MBP: variants seen among roughly 807,000 people sequenced by gnomAD.
The protein encoded by MBP is Golli-MBP.
A neutral mutation model predicts 35.8 loss-of-function variants in MBP; 16 were observed. The ratio of observed to expected loss-of-function variants is 0.45; its 90% confidence interval spans 0.30 to 0.68. MBP has a LOEUF of 0.68. Among genes scored for constraint, MBP ranks in the 30% least tolerant of loss-of-function variants. MBP has a pLI of 0.08. For missense variants in MBP, 380 were observed against 404.7 expected (o/e 0.94, Z 0.52); for synonymous variants, 143 against 159.6 (o/e 0.90, Z 0.78).
chr18:77,023,542 G>A (rs12964484), intron 3 of MBP, among the ~76,000 whole-genome samples: 40,669 of 152,008 alleles, frequency 0.27, 6,717 homozygotes, highest in Non-Finnish European at 0.36. Context: ...CTGCACAACC[G>A]CTGGACCATC....
Position 77,131,833 on chromosome 18 carries a change from CGGGCGGGCCGGCGGGCG to C in MBP, c.-26+730_-26+746del, listed in dbSNP as rs1977283496. The C allele has an allele frequency of 1.3e-5, 2 of 152,942 alleles. No individual in the cohort carries two copies. Among genetic ancestry groups the C allele is most frequent in the Non-Finnish European group, 2.9e-5 (2 of 68,706 alleles). 9.5% of individuals were successfully genotyped at this position (152,942 alleles called of 1,614,324 possible). On this transcript the variant is annotated intron_variant, in intron 1 of 8. Transcript: ENST00000355994. This position sits in a 1 kb window ranked among gnomAD's most constrained non-coding sequence, Gnocchi z 5.5. ...CCAGGAGGGGACTGCCGGGAAGACC[CGGGCGGGCCGGCGGGCG>C]GCTGCGGGCGGCGCACGTGGGCCCA...
chr18:77,005,291 T>C (rs1970881371), intron 4 of MBP: 1 of 152,216 alleles, frequency 6.6e-6, no homozygotes, highest in African/African-American at 2.4e-5. Flanking sequence ...GTTGTGTGCT[T>C]TCCGCCGGGT....
chr18:77,029,535 C>T (rs144683250), intron 3 of MBP, among the ~76,000 whole-genome samples: 1 of 151,946 alleles, frequency 6.6e-6, no homozygotes, highest in African/African-American at 2.4e-5. Context: ...AGACTTGTCT[C>T]AAACTCCAGG....
rs537151628 is a variant in MBP, at chr18:77,020,828, G to A, written c.140-3560C>T. On this transcript the variant is annotated intron_variant, in intron 3 of 8. Transcript: ENST00000355994. This position sits in a 1 kb window ranked among gnomAD's most constrained non-coding sequence, Gnocchi z 4.1. ...AACCCGCATTCCCAGACCACACCCC[G>A]GGACCTAGCTCACCACAGGCCTGCC... Among the ~76,000 whole-genome samples the A allele has an allele frequency of 6.6e-5, 10 of 152,296 alleles. No homozygotes were observed. In the East Asian group the frequency reaches 9.6e-4, roughly 15 times the overall value.
chr18:77,060,110 C>A (rs1187495430), intron 3 of MBP, among the ~76,000 whole-genome samples: 3 of 152,134 alleles, frequency 2.0e-5, no homozygotes, highest in African/African-American at 7.2e-5. Flanking sequence ...TTAAACCATC[C>A]CCCAAATGGT....
rs551390113 is a variant in MBP at position 77,010,368 on chromosome 18, C to A, written c.576+6464G>T. ...ACTAAAAGGGTTTTTTGACGTCTACCATGGAATGGATAAATTTTACATTCC... is the reference window on the plus strand; with the variant it reads ...ACTAAAAGGGTTTTTTGACGTCTACAATGGAATGGATAAATTTTACATTCC... On this transcript the variant is annotated intron_variant, in intron 4 of 8. Transcript: ENST00000355994. 2.6e-5 allele frequency among the ~76,000 whole-genome samples: 4 copies of A among 152,336 alleles called. 1 individual carries two copies. Among genetic ancestry groups the A allele is most frequent in the African/African-American group, 9.6e-5 (4 of 41,576 alleles).
At chr18:77,128,372 C>G (rs76452994) in intron 1 of MBP, among the ~76,000 whole-genome samples, 5,582 of 152,190 alleles carry the variant, frequency 0.037, 174 homozygotes, top group East Asian at 0.16. Flanking sequence ...TGGTTGCCAG[C>G]CTCAGGGAGG....
At chr18:76,985,933 G>C (rs1269722140) in intron 7 of MBP, 1 of 986,032 alleles carries the variant, frequency 1.0e-6, no homozygotes, top group Non-Finnish European at 1.2e-6. Flanking sequence ...TGGGCCGTGT[G>C]ACCGCAGGGG....
At chr18:77,061,783 G>A (rs1288401652) in intron 3 of MBP, among the ~76,000 whole-genome samples, 2 of 152,212 alleles carry the variant, frequency 1.3e-5, no homozygotes, top group South Asian at 2.1e-4. Flanking sequence ...AAATAAAGAA[G>A]AGTGAAAACA....
chr18:77,096,699 C>G (rs1975772255), intron 2 of MBP, among the ~76,000 whole-genome samples: 1 of 152,198 alleles, frequency 6.6e-6, no homozygotes, highest in Non-Finnish European at 1.5e-5. Flanking sequence ...TCAGCCCACC[C>G]ACAGCTGAAA....
intron 4 of MBP, among the ~76,000 whole-genome samples, chr18:76,995,530 C>A (rs541553991): frequency 6.6e-6 from 1 of 152,074 alleles, no homozygotes; most frequent in African/African-American, 2.4e-5. Flanking sequence ...GATAGACTCA[C>A]CCAAATCTGA....
intron 4 of MBP, 194 bp downstream of exon 4, chr18:77,016,638 G>A (rs1971655731): frequency 1.4e-6 from 2 of 1,419,698 alleles, no homozygotes; most frequent in East Asian, 5.0e-5. Flanking sequence ...AAGAGGGGGT[G>A]AGTTAAACGA....
chr18:77,007,580 A>G (rs1470230284), intron 4 of MBP, among the ~76,000 whole-genome samples: 2 of 152,160 alleles, frequency 1.3e-5, no homozygotes, highest in East Asian at 3.9e-4. Flanking sequence ...CTTTAGTTTC[A>G]ACTTACGCTT....
chr18:76,998,054 T>G (rs1001854797), intron 4 of MBP, among the ~76,000 whole-genome samples: 2 of 152,248 alleles, frequency 1.3e-5, no homozygotes, highest in African/African-American at 4.8e-5. Context: ...TAACAATTTT[T>G]AAGTGTGCAA....
chr18:77,104,886 TTCTC>T (rs958200160), intron 2 of MBP, among the ~76,000 whole-genome samples: 1 of 151,950 alleles, frequency 6.6e-6, no homozygotes, highest in African/African-American at 2.4e-5. Flanking sequence ...GTTTCCCTCT[TTCTC>T]TTTCTTCTTC....
Position 76,984,893 on chromosome 18 carries a change from C to T in MBP, c.752G>A (p.Gly251Glu). 2 of 1,613,200 alleles carry T rather than the reference C, an allele frequency of 1.2e-6. No individual in the cohort carries two copies. The highest frequency in any genetic ancestry group is 1.7e-6 in the Non-Finnish European group (2 of 1,180,010). Residue 251 changes from glycine to glutamate, a missense_variant and splice_region_variant, in exon 8 of 9, where the codon GGG becomes GAG. Gly to Glu is a moderately conservative substitution (Grantham distance 98, BLOSUM62 -2). Transcript: ENST00000355994. ...RGLSLSRFSWGAEGQRPGFGY... is the reference protein window; with the variant it reads ...RGLSLSRFSWEAEGQRPGFGY... ...AAATCCTGGTCTCTGGCCTTCGGCC[C>T]CCTGCAAGAGAAGACCACGGAGCTC...
Position 77,104,000 on chromosome 18 carries a change from T to C in MBP, c.51+1211A>G, listed in dbSNP as rs186283430. Among the ~76,000 whole-genome samples the C allele has an allele frequency of 2.3e-3, 353 of 152,378 alleles. 3 individuals carry two copies. Among genetic ancestry groups the C allele is most frequent in the African/African-American group, 7.9e-3 (330 of 41,592 alleles). ...ATTCGAATGACTTTTAATTTGCAGT[T>C]TCCCGTTTAACTGTATTTTCCAAAT... On this transcript the variant is annotated intron_variant, in intron 2 of 8. Transcript: ENST00000355994.
At position 76,988,998 on chromosome 18, in the gene MBP, G is replaced by T; in HGVS notation, c.682-86C>A. ...AACGGGCTCCTGCCTGCTGAGGGTG[G>T]CTAGCATCCATCAGCTGCCAGAAGC... On this transcript the variant is annotated intron_variant, in intron 5 of 8. Transcript: ENST00000355994. The surrounding 1 kb of genome is among the most constrained non-coding windows in gnomAD (Gnocchi z 5.2). 2 of 1,341,778 alleles carry T rather than the reference G, an allele frequency of 1.5e-6. No homozygotes were observed. The highest frequency in any genetic ancestry group is 1.4e-5 in the African/African-American group (1 of 69,696). 83.1% of individuals were successfully genotyped at this position (1,341,778 alleles called of 1,614,324 possible). A position where few individuals can be genotyped will look rare whatever the true frequency, so the allele number is the denominator to read the frequency against.
Position 76,979,035 on chromosome 18 carries a change from G to T in MBP, c.*1392C>A, listed in dbSNP as rs1969040946. On this transcript the variant is annotated 3_prime_UTR_variant, in exon 9 of 9. Transcript: ENST00000355994. ...TGTTCTTTGTAACTCTCTCATCATC[G>T]AGGCTATATATTAATAGACATGGTA... 6.6e-6 allele frequency: 1 copy of T among 152,058 alleles called. No individual in the cohort carries two copies. The highest frequency in any genetic ancestry group is 1.5e-5 in the Non-Finnish European group (1 of 68,004). The allele number at this position is 152,058 out of a possible 1,614,324, so 9.4% of individuals were successfully genotyped here.
Sources: gnomAD v4.1 joint callset for allele counts (sites outside exome capture counted in the v4.1 genomes callset) on GRCh38, gnomAD v4.1.1 for gene constraint, Gnocchi (gnomAD v3.1) non-coding constraint, MANE v1.5 for transcripts, NCBI Gene and HGNC (gene_info 2026-07-23, HGNC 2026-07-21) for gene names.